Variants in ASAP2 observed in about 807,000 individuals in gnomAD.
ASAP2 encodes ArfGAP with SH3 domain, ankyrin repeat and PH domain 2.
A neutral mutation model predicts 131.4 loss-of-function variants in ASAP2; 45 were observed. The observed-to-expected ratio is 0.34, with a 90% confidence interval of 0.27 to 0.44. The LOEUF is 0.44. Ranked by LOEUF, ASAP2 falls within the 20% of genes least tolerant of loss-of-function variation. The pLI is 1.00. For missense variants in ASAP2, 1,011 were observed against 1,297.0 expected (o/e 0.78, Z 3.39); for synonymous variants, 510 against 503.0 (o/e 1.01, Z -0.19).
intron 16 of ASAP2, among the ~76,000 whole-genome samples, chr2:9,373,280 C>T (rs1033871923): frequency 2.0e-5 from 3 of 152,198 alleles, no homozygotes; most frequent in Admixed American, 6.5e-5. Flanking sequence ...GTGAAGCATG[C>T]TGCCTGCTCA....
chr2:9,347,907 A>C (rs1039328946), intron 11 of ASAP2, among the ~76,000 whole-genome samples: 2 of 152,222 alleles, frequency 1.3e-5, no homozygotes, highest in African/African-American at 4.8e-5. Context: ...AATCGGGAAA[A>C]AATAGAACGG....
At chr2:9,297,713 G>A (rs539180242) in intron 3 of ASAP2, among the ~76,000 whole-genome samples, 2 of 152,104 alleles carry the variant, frequency 1.3e-5, no homozygotes, top group Non-Finnish European at 2.9e-5. Flanking sequence ...TCTTCTTAAG[G>A]GCCTCTGACT....
chr2:9,350,183 G>A (rs1468591705), intron 11 of ASAP2, among the ~76,000 whole-genome samples: 3 of 152,254 alleles, frequency 2.0e-5, no homozygotes, highest in Middle Eastern at 3.4e-3. Context: ...AGTATGTTGT[G>A]ATCGCTTGGT....
At position 9,336,668 on chromosome 2, in the gene ASAP2, A is replaced by G. The variant is rs566719969; in HGVS notation, c.849+1489A>G. Among the ~76,000 whole-genome samples, 7 of 152,288 alleles carry G rather than the reference A, an allele frequency of 4.6e-5. No individual in the cohort carries two copies. The South Asian group carries it at 1.5e-3, about 32-fold the overall frequency. ...TTTAGTGCTAGAAAGGACCTACAAC[A>G]TGGTGACTTCCTCCTAGTCTAGAGA... On this transcript the variant is annotated intron_variant, in intron 9 of 27. Coordinates refer to ENST00000281419, the MANE Select transcript of ASAP2 (RefSeq NM_003887.3).
chr2:9,305,229 C>T (rs1668799376), intron 3 of ASAP2, among the ~76,000 whole-genome samples: 1 of 147,930 alleles, frequency 6.8e-6, no homozygotes, highest in Admixed American at 6.8e-5. Flanking sequence ...GGTTGACAGG[C>T]TGCAGTAGTG....
At chr2:9,348,795 A>G (rs1672145875) in intron 11 of ASAP2, among the ~76,000 whole-genome samples, 1 of 152,212 alleles carries the variant, frequency 6.6e-6, no homozygotes, top group Non-Finnish European at 1.5e-5. Flanking sequence ...TATCACAGGG[A>G]AAAAGGAAGA....
chr2:9,271,328 A>G (rs1269559127), intron 1 of ASAP2: 7 of 1,018,928 alleles, frequency 6.9e-6, no homozygotes, highest in African/African-American at 4.7e-5. Flanking sequence ...AGCCAGTCCA[A>G]GCTCTACGAG....
chr2:9,340,163 C>T (rs1035906347), intron 9 of ASAP2, among the ~76,000 whole-genome samples: 3 of 152,188 alleles, frequency 2.0e-5, no homozygotes, highest in East Asian at 1.9e-4. Context: ...GCTGGGATTA[C>T]AGGTACGCGC....
At chr2:9,352,137 A>T (rs1006879117) in intron 12 of ASAP2, among the ~76,000 whole-genome samples, 1 of 152,040 alleles carries the variant, frequency 6.6e-6, no homozygotes, top group Non-Finnish European at 1.5e-5. Flanking sequence ...CTGAGGTAGG[A>T]GGATCACCCA....
chr2:9,279,580 G>A (rs1420806016), intron 2 of ASAP2, among the ~76,000 whole-genome samples, 191 bp downstream of exon 2: 2 of 152,170 alleles, frequency 1.3e-5, no homozygotes, highest in Non-Finnish European at 2.9e-5. Context: ...TCTGATTCAG[G>A]TGTGGGATTT....
chr2:9,286,441 A>ATAT (rs1175112143), intron 2 of ASAP2, among the ~76,000 whole-genome samples: 1 of 130,122 alleles, frequency 7.7e-6, no homozygotes, highest in African/African-American at 3.2e-5. Flanking sequence ...AAAAAGGAAA[A>ATAT]AAAAAAATAT....
chr2:9,339,972 G>A (rs1572494235), intron 9 of ASAP2, among the ~76,000 whole-genome samples: 1 of 152,252 alleles, frequency 6.6e-6, no homozygotes, highest in Admixed American at 6.5e-5. Context: ...TGTGGCCAAC[G>A]ATCCTTACAA....
chr2:9,295,796 C>G (rs1431042766), intron 2 of ASAP2, among the ~76,000 whole-genome samples: 1 of 152,194 alleles, frequency 6.6e-6, no homozygotes, highest in Non-Finnish European at 1.5e-5. Context: ...AGTGAGTTTT[C>G]TTTTGTGTCT....
intron 1 of ASAP2, among the ~76,000 whole-genome samples, chr2:9,251,943 T>C (rs1436858000): frequency 1.3e-5 from 2 of 152,126 alleles, no homozygotes; most frequent in African/African-American, 4.8e-5. Context: ...CCTTAATTTT[T>C]TTTTTTTAAT....
chr2:9,212,531 C>T (rs1431885412), intron 1 of ASAP2, among the ~76,000 whole-genome samples: 7 of 152,146 alleles, frequency 4.6e-5, no homozygotes, highest in Non-Finnish European at 8.8e-5. Flanking sequence ...TCGGCGTCTG[C>T]GGTAGGATTT....
intron 1 of ASAP2, among the ~76,000 whole-genome samples, chr2:9,275,851 C>T (rs1182506557): frequency 2.6e-5 from 4 of 152,206 alleles, no homozygotes; most frequent in South Asian, 2.1e-4. Context: ...TAAAAAGAGG[C>T]GGTACGATTA....
Position 9,207,907 on chromosome 2 carries a change from G to C in ASAP2, c.126+677G>C, listed in dbSNP as rs1558234065. On this transcript the variant is annotated intron_variant, in intron 1 of 27. Coordinates refer to ENST00000281419, the MANE Select transcript of ASAP2 (RefSeq NM_003887.3). The surrounding 1 kb of genome is among the most constrained non-coding windows in gnomAD (Gnocchi z 4.1). The stretch of plus-strand genomic sequence containing the variant: ...GAATGCCGCCCTTCCCCCTCAACCT[G>C]GAAAAGGCCTGGTTTTAGTAAAGTG... 6.6e-6 allele frequency among the ~76,000 whole-genome samples: 1 copy of C among 152,182 alleles called. No homozygotes were observed. The highest frequency in any genetic ancestry group is 6.5e-5 in the Admixed American group (1 of 15,282).
chr2:9,274,619 A>G (rs10183519), intron 1 of ASAP2, among the ~76,000 whole-genome samples: 59,894 of 151,972 alleles, frequency 0.39, 12,417 homozygotes, highest in African/African-American at 0.53. Context: ...CACCGCGTCC[A>G]GCCTAACACT....
chr2:9,269,946 G>A (rs141148036), intron 1 of ASAP2, among the ~76,000 whole-genome samples: 22 of 152,330 alleles, frequency 1.4e-4, no homozygotes, highest in Admixed American at 5.2e-4. Context: ...CAGCTGAGCA[G>A]CAGAGATTGG....
Sources: gnomAD v4.1 joint callset for allele counts (sites outside exome capture counted in the v4.1 genomes callset) on GRCh38, gnomAD v4.1.1 for gene constraint, Gnocchi (gnomAD v3.1) non-coding constraint, MANE v1.5 for transcripts, NCBI Gene and HGNC (gene_info 2026-07-23, HGNC 2026-07-21) for gene names.